Variants in INPP5A observed in about 807,000 individuals in gnomAD.
The protein encoded by INPP5A is 43 kDa inositol polyphosphate 5-phophatase.
In INPP5A, 14 loss-of-function variants were observed where a neutral mutation model predicts 65.2. The observed-to-expected ratio is 0.21, with a 90% CI of 0.14 to 0.34. The LOEUF is 0.34. Among genes scored for constraint, INPP5A ranks in the 10% least tolerant of loss-of-function variants. The probability of loss-of-function intolerance (pLI) is 1.00; values close to 1 mark genes in which losing one functional copy is unlikely to be tolerated. For synonymous variants in INPP5A, 207 were observed against 208.3 expected (o/e 0.99, Z 0.05); for missense variants, 431 against 545.6 (o/e 0.79, Z 2.09).
chr10:132,705,677 G>A lies in INPP5A; in HGVS notation c.475-2636G>A, dbSNP rs1005436605. ...TTAAAAGTCTGCTTACCTGGGGCCC[G>A]GGACTTTACAGGTGAGGGAAGAAGG... On this transcript the variant is annotated intron_variant, in intron 6 of 15. Transcript: ENST00000368594. The surrounding 1 kb of genome is among the most constrained non-coding windows in gnomAD (Gnocchi z 4.9). Among the ~76,000 whole-genome samples the A allele has an allele frequency of 6.6e-6, 1 of 152,330 alleles. No individual in the cohort carries two copies. Among genetic ancestry groups the A allele is most frequent in the Middle Eastern group, 3.4e-3 (1 of 294 alleles).
At position 132,781,830 on chromosome 10, in the gene INPP5A, G is replaced by T. The variant is rs752717945; in HGVS notation, c.1159-31G>T. ...TGTGCTGTGCTGTCCCGCGTGCGCC[G>T]TGCTGACACCGTCCTCTCTTCCTGC... On this transcript the variant is annotated intron_variant, in intron 14 of 15. Coordinates refer to ENST00000368594, the MANE Select transcript of INPP5A (RefSeq NM_005539.5). 2.5e-6 allele frequency: 4 copies of T among 1,594,446 alleles called. No individual in the cohort carries two copies. In the African/African-American group the frequency reaches 4.0e-5, roughly 16 times the overall value.
At chr10:132,621,151 C>A (rs1376570887) in intron 2 of INPP5A, among the ~76,000 whole-genome samples, 1 of 152,146 alleles carries the variant, frequency 6.6e-6, no homozygotes, top group Non-Finnish European at 1.5e-5. Context: ...TCTACAGAGC[C>A]CCACAGCTCA....
At chr10:132,732,699 C>T (rs1265505137) in intron 9 of INPP5A, among the ~76,000 whole-genome samples, 1 of 152,150 alleles carries the variant, frequency 6.6e-6, no homozygotes, top group Non-Finnish European at 1.5e-5. Flanking sequence ...GACCCTGAGG[C>T]CCAGGGCAGG....
At chr10:132,596,935 G>GCA (rs2071705298) in intron 1 of INPP5A, among the ~76,000 whole-genome samples, 18 of 26,106 alleles carry the variant, frequency 6.9e-4, no homozygotes, top group African/African-American at 1.6e-3. Flanking sequence ...GCATGTGCAC[G>GCA]CATGTGTGCG....
chr10:132,653,029 C>T (rs1301983558), intron 4 of INPP5A, among the ~76,000 whole-genome samples: 1 of 152,094 alleles, frequency 6.6e-6, no homozygotes, highest in Non-Finnish European at 1.5e-5. Context: ...CACCCGCACC[C>T]TTGGCATCTG....
Position 132,550,524 on chromosome 10 carries a change from T to C in INPP5A, c.75+12353T>C, listed in dbSNP as rs2071036478. 6.6e-6 allele frequency among the ~76,000 whole-genome samples: 1 copy of C among 152,206 alleles called. No homozygotes were observed. Among genetic ancestry groups the C allele is most frequent in the Non-Finnish European group, 1.5e-5 (1 of 68,026 alleles). ...AAGCGACACCCTTGGGCTGAGCTTT[T>C]CCGTGAACCGGCAGCTGTGTCCCTT... On this transcript the variant is annotated intron_variant, in intron 1 of 15. Coordinates refer to ENST00000368594, the MANE Select transcript of INPP5A (RefSeq NM_005539.5). This position sits in a 1 kb window ranked among gnomAD's most constrained non-coding sequence, Gnocchi z 4.2.
Position 132,596,924 on chromosome 10 carries a change from C to T in INPP5A, c.76-10991C>T, listed in dbSNP as rs140662473. 3.9e-3 allele frequency among the ~76,000 whole-genome samples: 88 copies of T among 22,852 alleles called. 1 individual carries two copies. Among genetic ancestry groups the T allele is most frequent in the African/African-American group, 4.4e-3 (79 of 17,784 alleles). The allele number at this position is 22,852 out of a possible 152,430, so 15.0% of individuals were successfully genotyped here. A position where few individuals can be genotyped will look rare whatever the true frequency, so the allele number is the denominator to read the frequency against. On this transcript the variant is annotated intron_variant, in intron 1 of 15. Transcript: ENST00000368594. Reference sequence around the variant, plus strand: ...TCCTGTGCATGTGTGCATGTGTGCGCGCATGTGCACGCATGTGTGCGTGTG... The same window carrying T: ...TCCTGTGCATGTGTGCATGTGTGCGTGCATGTGCACGCATGTGTGCGTGTG...
chr10:132,766,476 A>G (rs1313738557), intron 12 of INPP5A, among the ~76,000 whole-genome samples: 2 of 151,890 alleles, frequency 1.3e-5, no homozygotes, highest in African/African-American at 4.8e-5. Flanking sequence ...CTGGGTTTGA[A>G]TGTGCAGATG....
chr10:132,727,976 G>A lies in INPP5A; in HGVS notation c.732+1071G>A, dbSNP rs1590962158. On this transcript the variant is annotated intron_variant, in intron 9 of 15. Transcript: ENST00000368594. This position sits in a 1 kb window ranked among gnomAD's most constrained non-coding sequence, Gnocchi z 6.5. ...ACGTATTCATCTTCCAACGGTGGCA[G>A]GACATTGTTTCTGAAAGACAGACTG... is the stretch of plus-strand genomic sequence containing the variant. 6.6e-6 allele frequency among the ~76,000 whole-genome samples: 1 copy of A among 152,214 alleles called. No individual in the cohort carries two copies. The highest frequency in any genetic ancestry group is 6.5e-5 in the Admixed American group (1 of 15,286).
chr10:132,757,720 C>T (rs538069981), intron 11 of INPP5A, among the ~76,000 whole-genome samples: 44 of 152,334 alleles, frequency 2.9e-4, no homozygotes, highest in Non-Finnish European at 5.4e-4. Flanking sequence ...CAGCCCGGCA[C>T]CATGGCGTGG....
chr10:132,729,601 C>T (rs1020662806), intron 9 of INPP5A, among the ~76,000 whole-genome samples: 3 of 152,190 alleles, frequency 2.0e-5, no homozygotes, highest in African/African-American at 7.2e-5. Context: ...CTCGCCCCCA[C>T]CTGTACCCCG....
intron 6 of INPP5A, among the ~76,000 whole-genome samples, chr10:132,699,348 C>T (rs1845398420): frequency 3.6e-5 from 1 of 27,810 alleles, no homozygotes; most frequent in Admixed American, 5.8e-4. Context: ...TTGTGGGAAG[C>T]GTGGGTGCTG....
chr10:132,766,137 C>T (rs1484109667), intron 12 of INPP5A, among the ~76,000 whole-genome samples: 3 of 150,528 alleles, frequency 2.0e-5, no homozygotes, highest in Non-Finnish European at 4.4e-5. Flanking sequence ...TCTGTGTGTG[C>T]ACGTGTGCAT....
At chr10:132,604,846 G>A (rs1361448812) in intron 1 of INPP5A, among the ~76,000 whole-genome samples, 1 of 152,202 alleles carries the variant, frequency 6.6e-6, no homozygotes, top group Non-Finnish European at 1.5e-5. Context: ...GCTGTTGCCA[G>A]TCTGCAAAGA....
chr10:132,578,765 G>A (rs1302767855), intron 1 of INPP5A, among the ~76,000 whole-genome samples: 1 of 151,658 alleles, frequency 6.6e-6, no homozygotes, highest in African/African-American at 2.4e-5. Context: ...GTGTGCAGGG[G>A]CTGGGTCTGG....
At chr10:132,565,719 TTGTG>T (rs140193152) in intron 1 of INPP5A, among the ~76,000 whole-genome samples, 3,956 of 146,226 alleles carry the variant, frequency 0.027, 68 homozygotes, top group Non-Finnish European at 0.037. Context: ...GTGCCTGAGT[TTGTG>T]TGTGTGTGTG....
At chr10:132,716,860 C>T (rs551691102) in intron 8 of INPP5A, among the ~76,000 whole-genome samples, 6 of 152,376 alleles carry the variant, frequency 3.9e-5, no homozygotes, top group Admixed American at 6.5e-5. Flanking sequence ...GAGCCCTGCA[C>T]AGCCCTCCTG....
rs371223350 is a variant in INPP5A, at chr10:132,695,376, A to G, written c.371-2440A>G. ...AACCTGATAAAGAAGAGCTCCAAAAATCCTACAATGAATACCACACTTAAT... is the reference window on the plus strand; with the variant it reads ...AACCTGATAAAGAAGAGCTCCAAAAGTCCTACAATGAATACCACACTTAAT... On this transcript the variant is annotated intron_variant, in intron 5 of 15. Coordinates refer to ENST00000368594, the MANE Select transcript of INPP5A (RefSeq NM_005539.5). 3.3e-4 allele frequency among the ~76,000 whole-genome samples: 50 copies of G among 152,338 alleles called. No homozygotes were observed. The South Asian group carries it at 7.7e-3, about 23-fold the overall frequency.
chr10:132,672,365 A>G (rs992932385), intron 4 of INPP5A, among the ~76,000 whole-genome samples: 2 of 152,152 alleles, frequency 1.3e-5, no homozygotes, highest in African/African-American at 4.8e-5. Flanking sequence ...TCCCCACCCA[A>G]ATCTCATCTT....
Sources: allele counts gnomAD v4.1 joint callset (sites outside exome capture counted in the v4.1 genomes callset), GRCh38; gene constraint gnomAD v4.1.1; non-coding constraint Gnocchi (gnomAD v3.1); transcripts MANE v1.5; gene names NCBI Gene and HGNC (gene_info 2026-07-23, HGNC 2026-07-21).